COQ8B: variants seen among roughly 807,000 people sequenced by gnomAD.
COQ8B encodes atypical kinase COQ8B, mitochondrial.
A neutral mutation model predicts 62.0 loss-of-function variants in COQ8B; 44 were observed. The ratio of observed to expected loss-of-function variants is 0.71; its 90% CI spans 0.56 to 0.91. The LOEUF is 0.91. Ranked by LOEUF, COQ8B falls within the 40% of genes least tolerant of loss-of-function variation. The pLI is 0.00. For synonymous variants in COQ8B, 252 were observed against 289.9 expected (o/e 0.87, Z 1.33); for missense variants, 649 against 731.6 (o/e 0.89, Z 1.30).
intron 14 of COQ8B, 131 bp from the exon 15 acceptor site, chr19:40,692,504 G>A: frequency 1.3e-6 from 1 of 774,486 alleles, no homozygotes; most frequent in Non-Finnish European, 2.0e-6. Flanking sequence ...ACTCCCCCAA[G>A]AGTGAGCAGC....
At chr19:40,706,162 T>G (rs1463752325) in intron 5 of COQ8B, among the ~76,000 whole-genome samples, 1 of 151,376 alleles carries the variant, frequency 6.6e-6, no homozygotes, top group African/African-American at 2.4e-5. Context: ...AAATCCAGGG[T>G]CCAGGAGCCA....
chr19:40,714,409 A>T lies in COQ8B; in HGVS notation c.103-12T>A. 4 of 1,613,100 alleles carry T rather than the reference A, an allele frequency of 2.5e-6. No individual in the cohort carries two copies. Among genetic ancestry groups the T allele is most frequent in the Middle Eastern group, 3.3e-4 (2 of 6,056 alleles). ...CCTCCACATGGTCCCTGCAAGAGAT[A>T]TACTTTGATAAGGAGGGGAGGACAT... On this transcript the variant is annotated splice_polypyrimidine_tract_variant and intron_variant, in intron 2 of 14. Transcript: ENST00000324464.
chr19:40,714,834 A>C (rs1599642072), intron 1 of COQ8B, 199 bp from the exon 2 acceptor site: 1 of 1,337,588 alleles, frequency 7.5e-7, no homozygotes, highest in African/African-American at 1.5e-5. Flanking sequence ...CCCAAAACCC[A>C]CTTTCCCCCC....
intron 4 of COQ8B, among the ~76,000 whole-genome samples, chr19:40,710,502 G>A (rs962773975): frequency 7.2e-5 from 11 of 152,002 alleles, no homozygotes; most frequent in Non-Finnish European, 1.5e-4. Flanking sequence ...CTCCCGCCTC[G>A]GCCTCCCAAA....
chr19:40,693,117 C>T, intron 13 of COQ8B, 80 bp from the exon 14 acceptor site: 1 of 1,255,526 alleles, frequency 8.0e-7, no homozygotes, highest in East Asian at 2.3e-5. Flanking sequence ...GAAGCCTGGG[C>T]CTCCCATGTA....
intron 5 of COQ8B, among the ~76,000 whole-genome samples, chr19:40,706,622 G>C (rs1222052682): frequency 6.6e-6 from 1 of 152,084 alleles, no homozygotes; most frequent in African/African-American, 2.4e-5. Context: ...ACCATGCTTG[G>C]CTAATATTTT....
intron 12 of COQ8B, among the ~76,000 whole-genome samples, chr19:40,697,851 T>TATATAGAGAGAGAGAGAGAGAG (rs1446181673): frequency 3.1e-4 from 17 of 54,730 alleles, no homozygotes; most frequent in African/African-American, 1.2e-3. Flanking sequence ...TATATATATA[T>TATATAGAGAGAGAGAGAGAGAG]AGAGAGAGAG....
chr19:40,703,601 T>C lies in COQ8B; in HGVS notation c.739A>G (p.Ile247Val). The C allele has an allele frequency of 6.2e-7, 1 of 1,611,814 alleles. No homozygotes were observed. Among genetic ancestry groups the C allele is most frequent in the South Asian group, 1.1e-5 (1 of 90,890 alleles). The change falls in exon 9 of 15, where the codon ATT (isoleucine) becomes GTT (valine). Residue 247 changes from isoleucine to valine, a missense_variant. Coordinates refer to ENST00000324464, the MANE Select transcript of COQ8B (RefSeq NM_024876.4). The stretch of plus-strand genomic sequence containing the variant: ...AGCAGGTTCTGGACATCGCTCTGAA[T>C]GCTCTGGGCTATGCCGGGGTACTGT... ...KIQYPGIAQSIQSDVQNLLAV... is the reference protein window; with the variant it reads ...KIQYPGIAQSVQSDVQNLLAV...
At chr19:40,711,388 C>A (rs750449969) in intron 4 of COQ8B, among the ~76,000 whole-genome samples, 3 of 152,042 alleles carry the variant, frequency 2.0e-5, no homozygotes. Flanking sequence ...CATACCACCA[C>A]GCTCACCTAA....
At chr19:40,697,877 G>A (rs1005406009) in intron 12 of COQ8B, among the ~76,000 whole-genome samples, 32 of 143,520 alleles carry the variant, frequency 2.2e-4, no homozygotes, top group African/African-American at 8.0e-4. Context: ...GAGAGAGAGA[G>A]TTTCTACTGG....
Position 40,714,304 on chromosome 19 carries a change from G to A in COQ8B, c.196C>T (p.Arg66Cys), listed in dbSNP as rs373891229. The A allele has an allele frequency of 1.7e-5, 27 of 1,613,368 alleles. No individual in the cohort carries two copies. Among genetic ancestry groups the A allele is most frequent in the East Asian group, 2.2e-5 (1 of 44,878 alleles). The change falls in exon 3 of 15, where the codon CGT becomes TGT. Residue 66 changes from arginine (R) to cysteine (C), a missense_variant. By Grantham distance (180) the Arg-to-Cys change is radical. Transcript: ENST00000324464. ...EEDIRRAREA[R>C]PRKTPRPQLS... ...TGGGGCCGGGGTGTCTTCCTGGGACGGGCCTCCCGTGCCCTGCGAATGTCC... is the reference window on the plus strand; with the variant it reads ...TGGGGCCGGGGTGTCTTCCTGGGACAGGCCTCCCGTGCCCTGCGAATGTCC...
Position 40,714,127 on chromosome 19 carries a change from C to A in COQ8B, c.229G>T (p.Asp77Tyr). 1.2e-6 allele frequency: 2 copies of A among 1,614,152 alleles called. No homozygotes were observed. The highest frequency in any genetic ancestry group is 2.2e-5 in the South Asian group (2 of 91,054). Residue 77 changes from aspartate to tyrosine, a missense_variant, in exon 4 of 15, where the codon GAC (aspartate) becomes TAC (tyrosine). Asp to Tyr is a radical substitution (Grantham distance 160). Coordinates refer to ENST00000324464, the MANE Select transcript of COQ8B (RefSeq NM_024876.4). Reference sequence around the variant, plus strand: ...GGCACCTTGCGTTCTCGAGAGCGGTCACTCAGCTGGGAAATGGGGACAAGG... The same window carrying A: ...GGCACCTTGCGTTCTCGAGAGCGGTAACTCAGCTGGGAAATGGGGACAAGG... ...PRKTPRPQLS[D>Y]RSRERKVPAS...
In COQ8B at chr19:40,703,712, C is replaced by G; in HGVS notation, c.717+3G>C. 6.2e-7 allele frequency: 1 copy of G among 1,614,154 alleles called. No individual in the cohort carries two copies. The highest frequency in any genetic ancestry group is 1.3e-5 in the African/African-American group (1 of 75,054). On this transcript the variant is annotated splice_donor_region_variant and intron_variant, in intron 8 of 14. Transcript: ENST00000324464. ...CCCTACCCTGCCCAGCCTCCCCTCT[C>G]ACCTGGATCTTCACGGCCACCTCCG...
intron 13 of COQ8B, 38 bp from the exon 14 acceptor site, chr19:40,693,075 G>T: frequency 5.1e-6 from 8 of 1,555,758 alleles, no homozygotes; most frequent in Non-Finnish European, 3.5e-6. Context: ...ACAAAGGCCG[G>T]GGCTCAAGGG....
chr19:40,703,946 C>A, intron 7 of COQ8B, 91 bp from the exon 8 acceptor site: 1 of 1,446,010 alleles, frequency 6.9e-7, no homozygotes, highest in East Asian at 2.5e-5. Flanking sequence ...GCACTCACCA[C>A]ATGCAGGGCC....
At chr19:40,712,108 T>C (rs1250363965) in intron 4 of COQ8B, among the ~76,000 whole-genome samples, 1 of 152,004 alleles carries the variant, frequency 6.6e-6, no homozygotes, top group African/African-American at 2.4e-5. Flanking sequence ...CTGCAATCTC[T>C]ACCTCCTGGG....
At chr19:40,703,933 C>T (rs2082081296) in intron 7 of COQ8B, 78 bp from the exon 8 acceptor site, 1 of 1,487,126 alleles carries the variant, frequency 6.7e-7, no homozygotes, top group Non-Finnish European at 9.0e-7. Context: ...GTTGATAACC[C>T]CAGCACTCAC....
chr19:40,714,982 C>T, intron 1 of COQ8B: 1 of 1,037,108 alleles, frequency 9.6e-7, no homozygotes, highest in Non-Finnish European at 1.2e-6. Context: ...TGTAGGCACC[C>T]GCAATTCCTC....
intron 12 of COQ8B, among the ~76,000 whole-genome samples, chr19:40,697,875 G>GAGAGAGAGAGAGGGAC (rs58313890): frequency 1.2e-4 from 12 of 103,468 alleles, no homozygotes; most frequent in African/African-American, 4.6e-4. Context: ...GAGAGAGAGA[G>GAGAGAGAGAGAGGGAC]AGTTTCTACT....
Sources: gnomAD v4.1 joint callset for allele counts (sites outside exome capture counted in the v4.1 genomes callset) on GRCh38, gnomAD v4.1.1 for gene constraint, MANE v1.5 for transcripts, NCBI Gene and HGNC (gene_info 2026-07-23, HGNC 2026-07-21) for gene names.